PPFIBP1: variants seen among roughly 807,000 people sequenced by gnomAD.
PPFIBP1 encodes PPFIB scaffold protein 1.
PPFIBP1 carries 112 observed loss-of-function variants against 137.8 expected under a neutral mutation model. The ratio of observed to expected loss-of-function variants is 0.81; its 90% CI spans 0.70 to 0.95. The LOEUF (loss-of-function observed/expected upper bound fraction) is 0.95. Among genes scored for constraint, PPFIBP1 ranks in the 40% least tolerant of loss-of-function variants. PPFIBP1 has a pLI of 0.00. For synonymous variants in PPFIBP1, 378 were observed against 417.3 expected (o/e 0.91, Z 1.15); for missense variants, 1,083 against 1,196.6 (o/e 0.91, Z 1.40).
chr12:27,691,990 C>T, intron 28 of PPFIBP1, 62 bp downstream of exon 28: 1 of 1,350,820 alleles, frequency 7.4e-7, no homozygotes, highest in South Asian at 1.5e-5. Context: ...TAAATGGGAA[C>T]TTTGTATACT....
chr12:27,661,954 CTT>C (rs1189805575), intron 11 of PPFIBP1, among the ~76,000 whole-genome samples: 1 of 152,022 alleles, frequency 6.6e-6, no homozygotes, highest in East Asian at 1.9e-4. Flanking sequence ...CCCACTGTAA[CTT>C]TTATTTTTTT....
chr12:27,536,461 C>T (rs189092546), intron 1 of PPFIBP1, among the ~76,000 whole-genome samples: 66 of 152,248 alleles, frequency 4.3e-4, no homozygotes, highest in African/African-American at 1.5e-3. Context: ...GCTTGTCACA[C>T]GGTGAGATAG....
rs536293430 is a variant in PPFIBP1 at position 27,633,480 on chromosome 12, A to G, written c.64+20A>G. The stretch of plus-strand genomic sequence containing the variant: ...TAGCAGGTGATCTGCATCCTGTGAA[A>G]GACAGAATCACAACATTTACTCTCC... On this transcript the variant is annotated intron_variant, in intron 3 of 29. Coordinates refer to ENST00000228425, the MANE Select transcript of PPFIBP1 (RefSeq NM_003622.4). 1 of 1,603,278 alleles carries G rather than the reference A, an allele frequency of 6.2e-7. No homozygotes were observed. The highest frequency in any genetic ancestry group is 1.1e-5 in the South Asian group (1 of 89,912).
intron 11 of PPFIBP1, among the ~76,000 whole-genome samples, chr12:27,661,443 A>C (rs1016635054): frequency 3.4e-5 from 5 of 148,824 alleles, no homozygotes; most frequent in African/African-American, 1.2e-4. Flanking sequence ...TACGTTAGCT[A>C]CACTGGCTGC....
At chr12:27,638,866 T>TA (rs1336456148) in intron 4 of PPFIBP1, among the ~76,000 whole-genome samples, 2 of 151,192 alleles carry the variant, frequency 1.3e-5, no homozygotes, top group Non-Finnish European at 2.9e-5. Context: ...AACAGACATA[T>TA]AATTAAGGTT....
chr12:27,662,280 G>C (rs1172268042), intron 11 of PPFIBP1, among the ~76,000 whole-genome samples: 1 of 152,220 alleles, frequency 6.6e-6, no homozygotes, highest in African/African-American at 2.4e-5. Flanking sequence ...GCTGGAACAT[G>C]AAGTGCAGGT....
At position 27,688,312 on chromosome 12, in the gene PPFIBP1, A is replaced by T. The variant is rs765292038; in HGVS notation, c.2385A>T (p.Pro795=). 16 of 1,613,914 alleles carry T rather than the reference A, an allele frequency of 9.9e-6. No individual in the cohort carries two copies. Among genetic ancestry groups the T allele is most frequent in the Non-Finnish European group, 1.4e-5 (16 of 1,179,980 alleles). ...RRPSDENTIA[P]SEVQKWTNHR... is the part of the protein sequence containing the mutation. ...TGTTCCCATAGAATACCATCGCCCC[A>T]TCAGAAGTTCAGAAGTGGACTAACC... Residue 795 remains proline, a synonymous_variant, in exon 26 of 30, where the codon CCA becomes CCT. Transcript: ENST00000228425.
chr12:27,559,599 C>G (rs988678642), intron 1 of PPFIBP1, among the ~76,000 whole-genome samples: 5 of 152,088 alleles, frequency 3.3e-5, no homozygotes, highest in African/African-American at 1.2e-4. Flanking sequence ...CTCTTGTTTC[C>G]TAAGGTTTCA....
intron 19 of PPFIBP1, among the ~76,000 whole-genome samples, chr12:27,678,487 AAAGG>A (rs2140313934): frequency 6.6e-6 from 1 of 152,332 alleles, no homozygotes; most frequent in African/African-American, 2.4e-5. Flanking sequence ...AGAAGGAGTA[AAAGG>A]AAAATGACAT....
chr12:27,687,570 C>T (rs1437838816), intron 25 of PPFIBP1, 63 bp downstream of exon 25: 12 of 1,520,038 alleles, frequency 7.9e-6, no homozygotes, highest in African/African-American at 2.8e-5. Flanking sequence ...GTCCATGTGT[C>T]GAAACTAAGA....
intron 9 of PPFIBP1, among the ~76,000 whole-genome samples, chr12:27,657,717 C>T (rs1036665775): frequency 5.9e-5 from 9 of 152,138 alleles, no homozygotes; most frequent in South Asian, 2.1e-4. Flanking sequence ...ACCGCTTCAC[C>T]GCCCCACCCC....
At chr12:27,536,335 A>G (rs1280623446) in intron 1 of PPFIBP1, among the ~76,000 whole-genome samples, 1 of 152,200 alleles carries the variant, frequency 6.6e-6, no homozygotes, top group Admixed American at 6.5e-5. Context: ...TTTATGAAGA[A>G]AAAAGGTTTA....
chr12:27,682,807 G>A, intron 24 of PPFIBP1, 104 bp downstream of exon 24: 1 of 1,553,696 alleles, frequency 6.4e-7, no homozygotes, highest in East Asian at 2.3e-5. Context: ...TTCCACCAGA[G>A]TTTGAAGCTG....
At chr12:27,639,914 A>T (rs1280342052) in intron 4 of PPFIBP1, among the ~76,000 whole-genome samples, 1 of 152,110 alleles carries the variant, frequency 6.6e-6, no homozygotes, top group Non-Finnish European at 1.5e-5. Context: ...TCCCCGTCCT[A>T]CCACCCTCCG....
intron 2 of PPFIBP1, among the ~76,000 whole-genome samples, chr12:27,620,773 G>A (rs2056268543): frequency 6.6e-6 from 1 of 152,042 alleles, no homozygotes; most frequent in Non-Finnish European, 1.5e-5. Flanking sequence ...TATATGAAAA[G>A]CACTAAAAAC....
intron 1 of PPFIBP1, among the ~76,000 whole-genome samples, chr12:27,574,252 C>T (rs2050379308): frequency 6.6e-6 from 1 of 152,036 alleles, no homozygotes; most frequent in Admixed American, 6.6e-5. Flanking sequence ...CTCTTTTTGC[C>T]AGGCTATGAG....
intron 26 of PPFIBP1, among the ~76,000 whole-genome samples, chr12:27,688,698 T>C (rs2061338431): frequency 6.6e-6 from 1 of 152,208 alleles, no homozygotes; most frequent in Admixed American, 6.5e-5. Context: ...CCTGCAAGGA[T>C]GCAGATTGTA....
intron 1 of PPFIBP1, among the ~76,000 whole-genome samples, chr12:27,575,024 C>A (rs899207649): frequency 6.6e-6 from 1 of 152,200 alleles, no homozygotes; most frequent in African/African-American, 2.4e-5. Flanking sequence ...TATCCAGCAA[C>A]ATGACTATAC....
chr12:27,546,587 G>A (rs1946262114), intron 1 of PPFIBP1, among the ~76,000 whole-genome samples: 1 of 152,064 alleles, frequency 6.6e-6, no homozygotes, highest in Non-Finnish European at 1.5e-5. Flanking sequence ...CTGTCTCCTG[G>A]GCAAGACAAT....
Sources: allele counts gnomAD v4.1 joint callset (sites outside exome capture counted in the v4.1 genomes callset), GRCh38; gene constraint gnomAD v4.1.1; transcripts MANE v1.5; gene names NCBI Gene and HGNC (gene_info 2026-07-23, HGNC 2026-07-21).